Variants in CLSPN observed in about 807,000 individuals in gnomAD.
The protein encoded by CLSPN is claspin homolog.
Under a neutral mutation model 156.3 loss-of-function variants are expected in CLSPN, and 85 were observed. That is an observed-to-expected ratio of 0.54 (90% CI 0.46 to 0.65). CLSPN has a LOEUF of 0.65. Among genes scored for constraint, CLSPN ranks in the 30% least tolerant of loss-of-function variants. The pLI, the probability that CLSPN is intolerant of heterozygous loss-of-function variation, is 0.00. For synonymous variants in CLSPN, 534 were observed against 542.4 expected, an observed-to-expected ratio of 0.98 and a Z score of 0.22; for missense variants, 1,407 against 1,554.9, an observed-to-expected ratio of 0.90 and a Z score of 1.60.
rs765592566 is a variant in CLSPN, at chr1:35,763,179, T to C, written c.725A>G (p.Asn242Ser). 6.3e-6 allele frequency: 10 copies of C among 1,582,502 alleles called. No homozygotes were observed. Among genetic ancestry groups the C allele is most frequent in the South Asian group, 2.3e-5 (2 of 85,254 alleles). Residue 242 changes from asparagine (N) to serine (S), a missense_variant, in exon 4 of 25, where the codon AAC (asparagine) becomes AGC (serine). Asn to Ser is a conservative substitution (Grantham distance 46). This residue lies in a region of CLSPN where 1,096 missense variants were observed against 1,193.0 expected (regional missense o/e 0.92). Transcript: ENST00000318121. ...SLESIRAAVK[N>S]KVKKHKKKEP... ...ACTTGCCTTGTGCTTTTTTACTTTG[T>C]TTTTTACAGCTGCTCTTATTGATTC...
exon 25 of CLSPN, chr1:35,720,862 G>A (rs780514879): frequency 2.0e-5 from 30 of 1,529,126 alleles, no homozygotes; most frequent in African/African-American, 2.7e-5. Flanking sequence ...GCCCTTCTCC[G>A]CCTCTCTTTG....
Position 35,760,802 on chromosome 1 carries a change from A to G in CLSPN, c.1119T>C (p.Asn373=). 1 of 1,613,574 alleles carries G rather than the reference A, an allele frequency of 6.2e-7. No homozygotes were observed. The highest frequency in any genetic ancestry group is 8.5e-7 in the Non-Finnish European group (1 of 1,179,956). The change falls in exon 8 of 25, where the codon AAT becomes AAC. Residue 373 remains asparagine, a synonymous_variant. Coordinates refer to ENST00000318121, the MANE Select transcript of CLSPN (RefSeq NM_022111.4). ...KGSEQTTGAE[N]EVETNALPVV... is the part of the protein sequence containing the mutation. Reference sequence around the variant, plus strand: ...CAGGGAGTGCATTAGTTTCCACTTCATTTTCTGCACCTGTTGTCTGCTCAG... The same window carrying G: ...CAGGGAGTGCATTAGTTTCCACTTCGTTTTCTGCACCTGTTGTCTGCTCAG...
chr1:35,763,384 C>T (rs1008315954), intron 3 of CLSPN, 63 bp from the exon 4 acceptor site: 99 of 1,275,780 alleles, frequency 7.8e-5, no homozygotes, highest in Non-Finnish European at 1.0e-4. Flanking sequence ...TTCACAACAT[C>T]ATATGGCAAT....
At chr1:35,748,939 C>T (rs1014171072) in intron 12 of CLSPN, 16 of 350,370 alleles carry the variant, frequency 4.6e-5, no homozygotes, top group Non-Finnish European at 8.6e-5. Context: ...GATTCTCCTG[C>T]CTCACCCTCC....
chr1:35,768,990 T>C (rs2148629972), intron 1 of CLSPN, among the ~76,000 whole-genome samples: 1 of 152,242 alleles, frequency 6.6e-6, no homozygotes. Context: ...ATGCCCGCTT[T>C]TGTAAATAAA....
At chr1:35,725,223 C>T (rs1390409417) in intron 24 of CLSPN, among the ~76,000 whole-genome samples, 1 of 152,216 alleles carries the variant, frequency 6.6e-6, no homozygotes, top group Non-Finnish European at 1.5e-5. Context: ...CTGTCCCCAA[C>T]ACTGTTCCCC....
At chr1:35,731,552 A>G (rs1641317950), downstream of CLSPN, among the ~76,000 whole-genome samples, 1 of 152,212 alleles carries the variant, frequency 6.6e-6, no homozygotes, top group Non-Finnish European at 1.5e-5. Flanking sequence ...GCTGCTGTGC[A>G]GATTGGATGA....
chr1:35,751,429 G>T lies in CLSPN; in HGVS notation c.1849C>A (p.Gln617Lys). ...LRRFEERQKR[Q>K]ALFKLDNEDG... ...TCATTATCTAATTTAAACAGTGCTT[G>T]GCGCTTCTGGCGCTCCTCAAACCTT... is the stretch of plus-strand genomic sequence containing the variant. Residue 617 changes from glutamine (Q) to lysine (K), a missense_variant, in exon 10 of 25, where the codon CAA becomes AAA. Physicochemically the swap from Gln to Lys is moderately conservative, Grantham distance 53. Around this residue, in one of 3 missense-constraint regions of CLSPN, gnomAD observed 1,096 missense variants for 1,193.0 expected, o/e 0.92. Coordinates refer to ENST00000318121, the MANE Select transcript of CLSPN (RefSeq NM_022111.4). 6.2e-7 allele frequency: 1 copy of T among 1,613,930 alleles called. No individual in the cohort carries two copies. Among genetic ancestry groups the T allele is most frequent in the Non-Finnish European group, 8.5e-7 (1 of 1,179,990 alleles).
Position 35,748,820 on chromosome 1 carries a change from CTTTTTTTTT to C in CLSPN, c.2273-225_2273-217del, listed in dbSNP as rs201350754. 4.9e-3 allele frequency: 1,427 copies of C among 293,122 alleles called. 6 individuals are homozygous for C. The highest frequency in any genetic ancestry group is 0.032 in the South Asian group (1,297 of 40,326). The allele number at this position is 293,122 out of a possible 1,614,324, so 18.2% of individuals were successfully genotyped here. On this transcript the variant is annotated intron_variant, in intron 12 of 24. Transcript: ENST00000318121. ...CTGAGCTAAGTGACACTTGAAAGTT[CTTTTTTTTT>C]TTTTTTTTTTTTTTTTGAGACAGTC...
At position 35,747,986 on chromosome 1, in the gene CLSPN, T is replaced by G; in HGVS notation, c.2548A>C (p.Lys850Gln). The G allele has an allele frequency of 6.2e-7, 1 of 1,614,206 alleles. No homozygotes were observed. The highest frequency in any genetic ancestry group is 8.5e-7 in the Non-Finnish European group (1 of 1,180,016). The change falls in exon 14 of 25, where the codon AAG becomes CAG. Residue 850 changes from lysine (K) to glutamine (Q), a missense_variant. By Grantham distance (53) the Lys-to-Gln change is moderately conservative (BLOSUM62 1). Transcript: ENST00000318121. ...QDLYNASPEP[K>Q]TLFLGAGDFQ... ...TCTCCTGCTCCTAGGAAAAGTGTCT[T>G]AGGCTCTGGGGAGGCGTTATACAGA...
At chr1:35,765,553 A>C (rs955156925) in intron 1 of CLSPN, among the ~76,000 whole-genome samples, 2 of 152,168 alleles carry the variant, frequency 1.3e-5, no homozygotes, top group African/African-American at 4.8e-5. Flanking sequence ...GTAACGGTAA[A>C]AAAAAAAATG....
At chr1:35,759,616 A>C (rs1363371879) in intron 8 of CLSPN, among the ~76,000 whole-genome samples, 1 of 152,162 alleles carries the variant, frequency 6.6e-6, no homozygotes, top group Non-Finnish European at 1.5e-5. Flanking sequence ...ATGAGTGAAA[A>C]CAAAAGAAAT....
intron 24 of CLSPN, among the ~76,000 whole-genome samples, chr1:35,722,185 T>C (rs1641088420): frequency 6.6e-6 from 1 of 151,206 alleles, no homozygotes; most frequent in Admixed American, 6.6e-5. Context: ...TATCGTGCTC[T>C]GCAGGGCAGC....
rs559578333 is a variant in CLSPN, at chr1:35,746,085, A to G, written c.2855-523T>C. The stretch of plus-strand genomic sequence containing the variant: ...CTCAGCCTCCCAAGTAGCTGCGATT[A>G]CAGGCACGGGCCACCATGCCCAGAT... On this transcript the variant is annotated intron_variant, in intron 15 of 24. Transcript: ENST00000318121. This position sits in a 1 kb window ranked among gnomAD's most constrained non-coding sequence, Gnocchi z 4.2. 6.6e-6 allele frequency among the ~76,000 whole-genome samples: 1 copy of G among 152,174 alleles called. No homozygotes were observed. Among genetic ancestry groups the G allele is most frequent in the Admixed American group, 6.5e-5 (1 of 15,300 alleles).
chr1:35,732,652 A>C lies in CLSPN; in HGVS notation c.*3844T>G, dbSNP rs1204148589. ...ACACTGAGCCTACCCTATCTCCCAC[A>C]CTCATGGGCTCTCATCCCTCCAAAT... On this transcript the variant is annotated 3_prime_UTR_variant, in exon 25 of 25. Transcript: ENST00000318121. 1.0e-6 allele frequency: 1 copy of C among 985,212 alleles called. No individual in the cohort carries two copies. Among genetic ancestry groups the C allele is most frequent in the Non-Finnish European group, 1.2e-6 (1 of 829,912 alleles). 61.0% of individuals were successfully genotyped at this position (985,212 alleles called of 1,614,324 possible). A position where few individuals can be genotyped will look rare whatever the true frequency, so the allele number is the denominator to read the frequency against.
chr1:35,726,131 A>G (rs1641180815), intron 24 of CLSPN, among the ~76,000 whole-genome samples: 1 of 134,094 alleles, frequency 7.5e-6, no homozygotes, highest in South Asian at 2.4e-4. Flanking sequence ...TTCCTCACAC[A>G]CCCATAGAAA....
chr1:35,736,924 G>A lies in CLSPN; in HGVS notation c.3899C>T (p.Ser1300Phe). The change falls in exon 24 of 25, where the codon TCT (serine) becomes TTT (phenylalanine). Residue 1300 changes from serine to phenylalanine, a missense_variant. By Grantham distance (155) the Ser-to-Phe change is radical. Transcript: ENST00000318121. The part of the protein sequence containing the change: ...PVKAEAAKES[S>F]KSQVKKRGPS... The stretch of plus-strand genomic sequence containing the variant: ...TCTCAAATTCCATACCTGAGACTTA[G>A]ACGATTCCTTTGCCGCCTCAGCCTT... 1 of 1,614,124 alleles carries A rather than the reference G, an allele frequency of 6.2e-7. No homozygotes were observed. The highest frequency in any genetic ancestry group is 8.5e-7 in the Non-Finnish European group (1 of 1,179,986).
At chr1:35,760,200 C>G (rs1376828727) in intron 8 of CLSPN, 142 bp downstream of exon 8, 6 of 635,442 alleles carry the variant, frequency 9.4e-6, no homozygotes, top group South Asian at 7.0e-5. Flanking sequence ...AAAAAAGACT[C>G]TGCCCATATC....
Position 35,738,556 on chromosome 1 carries a change from G to A in CLSPN, c.3457C>T (p.His1153Tyr), listed in dbSNP as rs374699084. The change falls in exon 21 of 25, where the codon CAC becomes TAC. Residue 1153 changes from histidine to tyrosine, a missense_variant. Physicochemically the swap from His to Tyr is moderately conservative, Grantham distance 83. Transcript: ENST00000318121. The stretch of plus-strand genomic sequence containing the variant: ...GTCTGATCATCATCAGAGTCTCTGT[G>A]GAACAAGTCCATCTGGGAAGCATCA... ...IDDASQMDLF[H>Y]RDSDDDQTEE... The A allele has an allele frequency of 8.7e-6, 14 of 1,613,722 alleles. No individual in the cohort carries two copies. Among genetic ancestry groups the A allele is most frequent in the Non-Finnish European group, 1.1e-5 (13 of 1,179,892 alleles).
Sources: gnomAD v4.1 joint callset for allele counts (sites outside exome capture counted in the v4.1 genomes callset) on GRCh38, gnomAD v4.1.1 for gene constraint, gnomAD v4.1.1 regional missense constraint, Gnocchi (gnomAD v3.1) non-coding constraint, MANE v1.5 for transcripts, NCBI Gene and HGNC (gene_info 2026-07-23, HGNC 2026-07-21) for gene names.